DTX4: variants seen among roughly 807,000 people sequenced by gnomAD.
DTX4 encodes the protein E3 ubiquitin-protein ligase DTX4.
A neutral mutation model predicts 57.6 loss-of-function variants in DTX4; 28 were observed. The ratio of observed to expected loss-of-function variants is 0.49; its 90% CI spans 0.36 to 0.67. The LOEUF (loss-of-function observed/expected upper bound fraction) is 0.67, where lower values mean the gene tolerates loss of function less well. Among genes scored for constraint, DTX4 ranks in the 30% least tolerant of loss-of-function variants. The pLI, the probability that DTX4 is intolerant of heterozygous loss-of-function variation, is 0.00. For missense variants in DTX4, 715 were observed against 836.8 expected (o/e 0.85, Z 1.80); for synonymous variants, 316 against 331.0 (o/e 0.95, Z 0.49).
intron 1 of DTX4, among the ~76,000 whole-genome samples, chr11:59,179,902 C>A (rs1315249487): frequency 6.6e-6 from 1 of 151,426 alleles, no homozygotes; most frequent in Non-Finnish European, 1.5e-5. Context: ...CCCTACCACC[C>A]TACACACATA....
intron 3 of DTX4, 112 bp from the exon 4 acceptor site, chr11:59,189,050 T>C (rs1862563450): frequency 6.8e-6 from 9 of 1,322,102 alleles, no homozygotes; most frequent in Non-Finnish European, 9.5e-6. Flanking sequence ...CCAGGAATTA[T>C]GAGAACTTTC....
intron 5 of DTX4, among the ~76,000 whole-genome samples, 153 bp from the exon 6 acceptor site, chr11:59,191,945 C>T (rs1227924755): frequency 4.6e-5 from 7 of 152,164 alleles, no homozygotes; most frequent in Non-Finnish European, 1.0e-4. Context: ...AAAGACAAAA[C>T]GATATTTAGA....
chr11:59,195,463 T>G, intron 7 of DTX4, 94 bp downstream of exon 7: 3 of 1,397,318 alleles, frequency 2.1e-6, no homozygotes, highest in Non-Finnish European at 2.9e-6. Flanking sequence ...AAGAGTCTCC[T>G]TCCCACACTT....
intron 1 of DTX4, among the ~76,000 whole-genome samples, chr11:59,178,633 C>G (rs1565215544): frequency 1.3e-5 from 2 of 152,196 alleles, no homozygotes; most frequent in Non-Finnish European, 2.9e-5. Context: ...AGTGGCATTC[C>G]TGCACCCACT....
chr11:59,197,550 G>T (rs1055202091), intron 7 of DTX4, among the ~76,000 whole-genome samples: 1 of 152,134 alleles, frequency 6.6e-6, no homozygotes, highest in African/African-American at 2.4e-5. Flanking sequence ...TGGATGTGCA[G>T]TTAGGAATAT....
chr11:59,198,890 G>A (rs1448646229), intron 7 of DTX4, among the ~76,000 whole-genome samples: 1 of 152,190 alleles, frequency 6.6e-6, no homozygotes, highest in Non-Finnish European at 1.5e-5. Flanking sequence ...CTTTTCATGA[G>A]CTTCTCAAAG....
rs762944983 is a variant in DTX4 at position 59,182,467 on chromosome 11, G to A, written c.935+5G>A. ...CCGGGTGCTGATCGCCTCTGGGTAAGTGCTTCCACAGCTGCCTCAGAGCAT... is the reference window on the plus strand; with the variant it reads ...CCGGGTGCTGATCGCCTCTGGGTAAATGCTTCCACAGCTGCCTCAGAGCAT... On this transcript the variant is annotated splice_donor_5th_base_variant and intron_variant, in intron 2 of 8. Transcript: ENST00000227451. 1 of 1,590,260 alleles carries A rather than the reference G, an allele frequency of 6.3e-7. No individual in the cohort carries two copies. Among genetic ancestry groups the A allele is most frequent in the South Asian group, 1.1e-5 (1 of 88,842 alleles).
chr11:59,199,612 T>C, intron 7 of DTX4, 72 bp from the exon 8 acceptor site: 4 of 1,180,060 alleles, frequency 3.4e-6, no homozygotes, highest in East Asian at 2.6e-5. Flanking sequence ...TTGAAATTAG[T>C]CACAGCCTAA....
intron 8 of DTX4, 27 bp from the exon 9 acceptor site, chr11:59,204,649 T>C (rs755207443): frequency 9.4e-6 from 15 of 1,592,406 alleles, no homozygotes; most frequent in Non-Finnish European, 1.0e-5. Context: ...AATGTCTGCC[T>C]TTCATGTCCC....
rs974135915 is a variant in DTX4, at chr11:59,204,774, G to A, written c.1725G>A (p.Glu575=). 3 of 1,613,536 alleles carry A rather than the reference G, an allele frequency of 1.9e-6. No individual in the cohort carries two copies. The highest frequency in any genetic ancestry group is 2.7e-5 in the African/African-American group (2 of 74,932). ...AGTCAGACACCGTCATCTGGAATGA[G>A]GTCCACCACAAGACAGAGTTTGGCT... ...TGESDTVIWN[E]VHHKTEFGSN... Residue 575 remains glutamate (E), a synonymous_variant, in exon 9 of 9, where the codon GAG becomes GAA. Coordinates refer to ENST00000227451, the MANE Select transcript of DTX4 (RefSeq NM_015177.2).
chr11:59,188,689 G>C (rs1165361114), intron 2 of DTX4, 46 bp from the exon 3 acceptor site: 12 of 1,521,900 alleles, frequency 7.9e-6, no homozygotes, highest in Non-Finnish European at 1.1e-5. Flanking sequence ...GGTCCATTTT[G>C]TTCCACGTGT....
chr11:59,206,652 G>C lies in DTX4; in HGVS notation c.*1743G>C, dbSNP rs1025357953. On this transcript the variant is annotated 3_prime_UTR_variant, in exon 9 of 9. Coordinates refer to ENST00000227451, the MANE Select transcript of DTX4 (RefSeq NM_015177.2). ...AATCTTTCATAAAGCCAGCCCCATA[G>C]CTGCTTGCTGTTAGGCCTCCAGCCA... 1 of 152,500 alleles carries C rather than the reference G, an allele frequency of 6.6e-6. No homozygotes were observed. The highest frequency in any genetic ancestry group is 2.4e-5 in the African/African-American group (1 of 41,418). The allele number at this position is 152,500 out of a possible 1,614,324, so 9.4% of individuals were successfully genotyped here. A position where few individuals can be genotyped will look rare whatever the true frequency, so the allele number is the denominator to read the frequency against.
At chr11:59,179,241 G>C (rs183714431) in intron 1 of DTX4, among the ~76,000 whole-genome samples, 26 of 152,276 alleles carry the variant, frequency 1.7e-4, no homozygotes, top group Admixed American at 1.7e-3. Flanking sequence ...AATAAAGATT[G>C]TGCAAATACC....
Position 59,206,022 on chromosome 11 carries a change from G to A in DTX4, c.*1113G>A, listed in dbSNP as rs1440578888. On this transcript the variant is annotated 3_prime_UTR_variant, in exon 9 of 9. Transcript: ENST00000227451. ...CGTAGTGAACTGAAACCCCAATGAA[G>A]ACAGAACTGTGCCTGGGGAGATGCA... 4 of 152,436 alleles carry A rather than the reference G, an allele frequency of 2.6e-5. No homozygotes were observed. Among genetic ancestry groups the A allele is most frequent in the African/African-American group, 9.6e-5 (4 of 41,582 alleles). The allele number at this position is 152,436 out of a possible 1,614,324, so 9.4% of individuals were successfully genotyped here. A position where few individuals can be genotyped will look rare whatever the true frequency, so the allele number is the denominator to read the frequency against.
intron 1 of DTX4, among the ~76,000 whole-genome samples, chr11:59,180,844 C>T (rs1412350917): frequency 2.6e-5 from 4 of 152,148 alleles, no homozygotes; most frequent in Non-Finnish European, 4.4e-5. Flanking sequence ...CAAAGTGAGA[C>T]TCTGAAAATT....
chr11:59,204,534 ATC>A, intron 8 of DTX4, 140 bp from the exon 9 acceptor site: 2 of 753,748 alleles, frequency 2.7e-6, no homozygotes, highest in Non-Finnish European at 4.3e-6. Flanking sequence ...CCAAGTCCAA[ATC>A]TCTTTCTTTC....
intron 2 of DTX4, among the ~76,000 whole-genome samples, chr11:59,183,687 T>C (rs1862493653): frequency 1.3e-5 from 2 of 152,160 alleles, no homozygotes; most frequent in South Asian, 4.1e-4. Flanking sequence ...GGTTTGGCAC[T>C]GGGAGGAGGA....
chr11:59,176,749 G>T (rs536414635), intron 1 of DTX4, among the ~76,000 whole-genome samples: 1 of 152,320 alleles, frequency 6.6e-6, no homozygotes, highest in East Asian at 1.9e-4. Flanking sequence ...TGTAACGCAG[G>T]TGGAAAATCT....
rs930122597 is a variant in DTX4, at chr11:59,182,397, C to T, written c.870C>T (p.Ala290=). The T allele has an allele frequency of 6.2e-7, 1 of 1,613,598 alleles. No homozygotes were observed. The highest frequency in any genetic ancestry group is 1.3e-5 in the African/African-American group (1 of 75,054). ...GCAAGACCGGAAGGGTGGCCCTGGC[C>T]ACCTTGAATCGTACCAACCTGCAGC... The part of the protein sequence containing the change: ...PNSKTGRVAL[A]TLNRTNLQRL... Residue 290 remains alanine (A), a synonymous_variant, in exon 2 of 9, where the codon GCC becomes GCT. Transcript: ENST00000227451.
Sources: allele counts gnomAD v4.1 joint callset (sites outside exome capture counted in the v4.1 genomes callset), GRCh38; gene constraint gnomAD v4.1.1; transcripts MANE v1.5; gene names NCBI Gene and HGNC (gene_info 2026-07-23, HGNC 2026-07-21).